The following MLIP variants were observed in gnomAD, a reference collection of about 807,000 sequenced individuals.
The protein encoded by MLIP is muscular LMNA interacting protein, also known as muscular LMNA-interacting protein.
Under a neutral mutation model 84.8 loss-of-function variants are expected in MLIP, and 79 were observed. The ratio of observed to expected loss-of-function variants is 0.93; its 90% confidence interval spans 0.78 to 1.12. MLIP has a LOEUF of 1.12. MLIP is among the 50% of genes most tolerant of loss of function. The probability of loss-of-function intolerance (pLI) is 0.00; values close to 1 mark genes in which losing one functional copy is unlikely to be tolerated. For missense variants in MLIP, 1,257 were observed against 1,160.6 expected (o/e 1.08, Z -1.21); for synonymous variants, 504 against 463.0 (o/e 1.09, Z -1.14).
chr6:54,263,502 G>A (rs1452865546), intron 13 of MLIP, among the ~76,000 whole-genome samples: 2 of 151,858 alleles, frequency 1.3e-5, no homozygotes, highest in African/African-American at 4.8e-5. Context: ...ATGGCTTTTT[G>A]TTCTCAATAC....
chr6:54,101,065 A>C (rs1768607487), intron 1 of MLIP, among the ~76,000 whole-genome samples: 2 of 152,180 alleles, frequency 1.3e-5, no homozygotes, highest in Non-Finnish European at 2.9e-5. Context: ...GATATGGAGC[A>C]AATATTTAGA....
chr6:54,099,056 T>C (rs955360273), intron 1 of MLIP, among the ~76,000 whole-genome samples: 18 of 152,222 alleles, frequency 1.2e-4, no homozygotes, highest in Admixed American at 9.8e-4. Flanking sequence ...ATTCTTCTGA[T>C]ATAAAATCTC....
chr6:54,257,382 G>C, intron 13 of MLIP, 21 bp downstream of exon 13: 1 of 1,542,988 alleles, frequency 6.5e-7, no homozygotes, highest in Non-Finnish European at 8.9e-7. Context: ...GATAGGACTG[G>C]ATATCTAATT....
At chr6:54,106,538 T>C (rs967262266), upstream of MLIP, among the ~76,000 whole-genome samples, 1 of 152,176 alleles carries the variant, frequency 6.6e-6, no homozygotes, top group Non-Finnish European at 1.5e-5. Context: ...AGTAGTGAGA[T>C]AGATTCATTT....
At position 54,124,632 on chromosome 6, in the gene MLIP, G is replaced by C; in HGVS notation, c.412G>C (p.Ala138Pro). ...GATGCAGCAAAGTGACCTCTTCAAA[G>C]CTGAATATGTCCTTATTGTGGACTC... is the stretch of plus-strand genomic sequence containing the variant. ...QGMQQSDLFK[A>P]EYVLIVDSEG... Residue 138 changes from alanine to proline, a missense_variant, in exon 3 of 14, where the codon GCT (alanine) becomes CCT (proline). Ala to Pro is a conservative substitution (Grantham distance 27, BLOSUM62 -1). Transcript: ENST00000502396. The C allele has an allele frequency of 1.2e-6, 2 of 1,614,216 alleles. No individual in the cohort carries two copies. Among genetic ancestry groups the C allele is most frequent in the South Asian group, 2.2e-5 (2 of 91,086 alleles).
At chr6:54,158,864 A>T (rs1194719914) in intron 5 of MLIP, among the ~76,000 whole-genome samples, 3 of 89,766 alleles carry the variant, frequency 3.3e-5, no homozygotes, top group African/African-American at 1.3e-4. Flanking sequence ...AGTTGCAAGA[A>T]GTATGATAAA....
intron 9 of MLIP, among the ~76,000 whole-genome samples, chr6:54,183,939 A>G (rs939936321): frequency 6.6e-6 from 1 of 152,074 alleles, no homozygotes; most frequent in African/African-American, 2.4e-5. Context: ...AACATTTTCA[A>G]CATGGATTCA....
intron 12 of MLIP, among the ~76,000 whole-genome samples, chr6:54,255,462 A>G (rs375948947): frequency 6.6e-6 from 1 of 152,324 alleles, no homozygotes; most frequent in Admixed American, 6.5e-5. Context: ...ACAACACATT[A>G]ATATCACATT....
intron 13 of MLIP, 46 bp downstream of exon 13, chr6:54,257,407 G>C (rs774409167): frequency 7.2e-7 from 1 of 1,381,124 alleles, no homozygotes; most frequent in East Asian, 2.3e-5. Flanking sequence ...ATTTCTGTGT[G>C]ATTATAGAAA....
At position 54,257,343 on chromosome 6, in the gene MLIP, A is replaced by G; in HGVS notation, c.2958A>G (p.Glu986=). 6.2e-7 allele frequency: 1 copy of G among 1,612,222 alleles called. No individual in the cohort carries two copies. The change falls in exon 13 of 14, where the codon GAA becomes GAG. Residue 986 remains glutamate, a synonymous_variant. Transcript: ENST00000502396. ...CAATGGTGGCTATTCCTGAACATGA[A>G]GCTCTTGATTCCAAAGAGGTAAATG... is the stretch of plus-strand genomic sequence containing the variant. The part of the protein sequence containing the change: ...SHPMVAIPEH[E]ALDSKEQ
Position 54,055,208 on chromosome 6 carries a change from T to C in MLIP, c.63+36117T>C, listed in dbSNP as rs1047045659. Among the ~76,000 whole-genome samples, 3 of 152,166 alleles carry C rather than the reference T, an allele frequency of 2.0e-5. No individual in the cohort carries two copies. The South Asian group carries it at 6.2e-4, about 32-fold the overall frequency. On this transcript the variant is annotated intron_variant, in intron 1 of 12. Coordinates refer to the MLIP transcript ENST00000274897. The stretch of plus-strand genomic sequence containing the variant: ...GCCTCATCACTATCTTTTTTATATG[T>C]CTGTTTCCTGAGTACACTTTTTCCT...
chr6:54,250,279 G>A (rs1240955918), intron 12 of MLIP, among the ~76,000 whole-genome samples: 1 of 151,962 alleles, frequency 6.6e-6, no homozygotes, highest in East Asian at 1.9e-4. Context: ...AAATTAGTTC[G>A]ACCATGTGGA....
Position 54,136,718 on chromosome 6 carries a change from ACTT to A in MLIP, c.655_657del (p.Ser219del), listed in dbSNP as rs1330785688. The A allele has an allele frequency of 2.7e-6, 4 of 1,473,552 alleles. No homozygotes were observed. Among genetic ancestry groups the A allele is most frequent in the Middle Eastern group, 1.8e-4 (1 of 5,668 alleles). 91.3% of individuals were successfully genotyped at this position (1,473,552 alleles called of 1,614,324 possible). A position where few individuals can be genotyped will look rare whatever the true frequency, so the allele number is the denominator to read the frequency against. ...TGTCTATTTCTCTTTCCTCTAGTTA[ACTT>A]CTTCTCCCACTACCTCTGAGCAGCT... On this transcript the variant is annotated inframe_deletion, in exon 4 of 14. Coordinates refer to ENST00000502396, the MANE Select transcript of MLIP (RefSeq NM_001281747.2).
chr6:54,120,275 C>T (rs1485104751), intron 1 of MLIP, among the ~76,000 whole-genome samples: 2 of 151,994 alleles, frequency 1.3e-5, no homozygotes, highest in Non-Finnish European at 2.9e-5. Flanking sequence ...CGCTCTGTCG[C>T]CAAGGCTGGA....
chr6:54,246,070 C>T (rs544169388), intron 12 of MLIP, among the ~76,000 whole-genome samples: 4 of 152,116 alleles, frequency 2.6e-5, no homozygotes, highest in East Asian at 1.9e-4. Context: ...GATACTCATT[C>T]GCCTTCATAT....
Position 54,129,969 on chromosome 6 carries a change from T to C in MLIP, c.645+5104T>C, listed in dbSNP as rs887302111. ...ATGGACAAATCCCTGACCAAGTGAT[T>C]TTTTTTTAAATAACTTTTCTCCAGT... On this transcript the variant is annotated intron_variant, in intron 3 of 13. Coordinates refer to ENST00000502396, the MANE Select transcript of MLIP (RefSeq NM_001281747.2). Among the ~76,000 whole-genome samples, 8 of 152,018 alleles carry C rather than the reference T, an allele frequency of 5.3e-5. No individual in the cohort carries two copies. The East Asian group carries it at 1.5e-3, about 29-fold the overall frequency.
intron 12 of MLIP, among the ~76,000 whole-genome samples, chr6:54,233,966 CAT>C (rs1254997907): frequency 6.6e-6 from 1 of 152,112 alleles, no homozygotes; most frequent in African/African-American, 2.4e-5. Flanking sequence ...AGCTTTTCTT[CAT>C]ATGTTTGTTG....
chr6:54,235,519 C>T (rs1345840208), intron 12 of MLIP, among the ~76,000 whole-genome samples: 1 of 152,108 alleles, frequency 6.6e-6, no homozygotes. Context: ...ATTTGTTGTG[C>T]TTGTCTTGGT....
At chr6:54,046,165 C>T (rs1393316479) in intron 1 of MLIP, 1 of 152,036 alleles carries the variant, frequency 6.6e-6, no homozygotes, top group East Asian at 1.9e-4. Flanking sequence ...ATCTCTTTTC[C>T]CCCAAGAGTC....
Sources: allele counts gnomAD v4.1 joint callset (sites outside exome capture counted in the v4.1 genomes callset), GRCh38; gene constraint gnomAD v4.1.1; transcripts MANE v1.5; gene names NCBI Gene and HGNC (gene_info 2026-07-23, HGNC 2026-07-21).